RSU1: variants seen among roughly 807,000 people sequenced by gnomAD.
The protein encoded by RSU1 is Ras suppressor protein 1.
A neutral mutation model predicts 31.1 loss-of-function variants in RSU1; 26 were observed. The observed-to-expected ratio is 0.84, with a 90% CI of 0.61 to 1.16. The LOEUF is 1.16. Ranked by LOEUF, RSU1 falls within the 50% of genes most tolerant of loss-of-function variation. The pLI, the probability that RSU1 is intolerant of heterozygous loss-of-function variation, is 0.00. For synonymous variants in RSU1, 164 were observed against 136.3 expected, an observed-to-expected ratio of 1.20 and a Z score of -1.41; for missense variants, 320 against 339.1, an observed-to-expected ratio of 0.94 and a Z score of 0.44.
intron 3 of RSU1, chr10:16,767,441 T>G (rs572919370): frequency 6.6e-6 from 1 of 152,364 alleles, no homozygotes; most frequent in East Asian, 1.9e-4. Context: ...AAATGTGATT[T>G]AGGGCTTTGT....
intron 5 of RSU1, among the ~76,000 whole-genome samples, chr10:16,753,419 CTG>C (rs1291793721): frequency 2.6e-5 from 4 of 152,160 alleles, no homozygotes; most frequent in African/African-American, 9.7e-5. Context: ...GAATACAGCT[CTG>C]TTAAAATAGA....
chr10:16,594,511 C>G (rs1833572560), intron 8 of RSU1, among the ~76,000 whole-genome samples: 1 of 150,778 alleles, frequency 6.6e-6, no homozygotes, highest in African/African-American at 2.4e-5. Context: ...CTCCTGGGCT[C>G]AAGCGATCTC....
At chr10:16,695,978 G>A (rs1835666015) in intron 7 of RSU1, among the ~76,000 whole-genome samples, 2 of 152,130 alleles carry the variant, frequency 1.3e-5, no homozygotes, top group South Asian at 4.1e-4. Context: ...GATATCCTCT[G>A]TTAATGACCA....
rs186091190 is a variant in RSU1 at position 16,714,485 on chromosome 10, C to G, written c.599-19330G>C. Among the ~76,000 whole-genome samples, 7 of 152,290 alleles carry G rather than the reference C, an allele frequency of 4.6e-5. No individual in the cohort carries two copies. In the East Asian group the frequency reaches 7.7e-4, roughly 17 times the overall value. Reference sequence around the variant, plus strand: ...GCTGCCACAGGACCAACAGTTGGACCAGCTATGGATGCACCGCGCTTGGTG... The same window carrying G: ...GCTGCCACAGGACCAACAGTTGGACGAGCTATGGATGCACCGCGCTTGGTG... On this transcript the variant is annotated intron_variant, in intron 7 of 8. Coordinates refer to ENST00000345264, the MANE Select transcript of RSU1 (RefSeq NM_012425.4).
chr10:16,692,952 T>G lies in RSU1; in HGVS notation c.731+2071A>C, dbSNP rs1056022963. Among the ~76,000 whole-genome samples, 6 of 152,152 alleles carry G rather than the reference T, an allele frequency of 3.9e-5. 1 individual carries two copies. In the South Asian group the frequency reaches 1.2e-3, roughly 31 times the overall value. ...TTGGCAATTTTAGTGTATTTCATTTTAAGGCCATTGTTCTTTTTTCTTTTT... is the reference window on the plus strand; with the variant it reads ...TTGGCAATTTTAGTGTATTTCATTTGAAGGCCATTGTTCTTTTTTCTTTTT... On this transcript the variant is annotated intron_variant, in intron 8 of 8. Coordinates refer to ENST00000345264, the MANE Select transcript of RSU1 (RefSeq NM_012425.4).
chr10:16,754,458 G>C (rs1217530629), intron 5 of RSU1, among the ~76,000 whole-genome samples: 1 of 151,588 alleles, frequency 6.6e-6, no homozygotes, highest in Non-Finnish European at 1.5e-5. Flanking sequence ...TGTGTTACTG[G>C]TTTATTAATA....
intron 8 of RSU1, among the ~76,000 whole-genome samples, chr10:16,594,586 A>AAT (rs970755054): frequency 6.8e-6 from 1 of 147,306 alleles, no homozygotes; most frequent in African/African-American, 2.5e-5. Flanking sequence ...AATTAAAAAA[A>AAT]ATATATATAT....
intron 8 of RSU1, among the ~76,000 whole-genome samples, chr10:16,677,402 C>T (rs1221258556): frequency 6.6e-6 from 1 of 152,032 alleles, no homozygotes; most frequent in Non-Finnish European, 1.5e-5. Flanking sequence ...GTAATTGAGG[C>T]AAACTGTATC....
chr10:16,674,421 T>A (rs1348688823), intron 8 of RSU1, among the ~76,000 whole-genome samples: 4 of 146,836 alleles, frequency 2.7e-5, no homozygotes, highest in African/African-American at 1.0e-4. Flanking sequence ...TTTTTTTAAA[T>A]CCTCTAACAG....
At position 16,613,141 on chromosome 10, in the gene RSU1, C is replaced by T. The variant is rs1357883821; in HGVS notation, c.732-19645G>A. 2.0e-5 allele frequency among the ~76,000 whole-genome samples: 3 copies of T among 152,302 alleles called. 1 individual carries two copies. The highest frequency in any genetic ancestry group is 4.1e-4 in the South Asian group (2 of 4,822). On this transcript the variant is annotated intron_variant, in intron 8 of 8. Transcript: ENST00000345264. ...CACTCTGCTTACATTACAGTTATTC[C>T]CCCTCTGGCTGCTTTAAAGGACACT...
chr10:16,641,661 C>G (rs1430655978), intron 8 of RSU1, among the ~76,000 whole-genome samples: 1 of 152,116 alleles, frequency 6.6e-6, no homozygotes, highest in Non-Finnish European at 1.5e-5. Context: ...TTTCCATTGC[C>G]AACAACAGCC....
At chr10:16,684,241 T>C (rs1835395113) in intron 8 of RSU1, among the ~76,000 whole-genome samples, 1 of 152,180 alleles carries the variant, frequency 6.6e-6, no homozygotes, top group Non-Finnish European at 1.5e-5. Flanking sequence ...GGGTAAACGA[T>C]TTTTATTTTC....
intron 7 of RSU1, chr10:16,727,205 A>C (rs943809651): frequency 2.2e-6 from 1 of 451,930 alleles, no homozygotes; most frequent in African/African-American, 2.0e-5. Flanking sequence ...ACCTGGGCGG[A>C]AAGAGTGACG....
chr10:16,648,102 T>C (rs1179854987), intron 8 of RSU1, among the ~76,000 whole-genome samples: 2 of 151,174 alleles, frequency 1.3e-5, no homozygotes, highest in Non-Finnish European at 2.9e-5. Context: ...TCATGAGCCA[T>C]TGTGCCTGGC....
chr10:16,706,794 G>C (rs4523590), intron 7 of RSU1, among the ~76,000 whole-genome samples: 77,098 of 151,824 alleles, frequency 0.51, 19,853 homozygotes, highest in East Asian at 0.78. Context: ...ATTACAGTCA[G>C]TCTACTGTGT....
At chr10:16,642,686 A>G (rs563649978) in intron 8 of RSU1, among the ~76,000 whole-genome samples, 1 of 152,314 alleles carries the variant, frequency 6.6e-6, no homozygotes, top group South Asian at 2.1e-4. Context: ...TGGACCCTGA[A>G]ATCATATATT....
chr10:16,593,563 A>T, intron 8 of RSU1, 67 bp from the exon 9 acceptor site: 1 of 1,218,428 alleles, frequency 8.2e-7, no homozygotes, highest in Non-Finnish European at 1.2e-6. Flanking sequence ...TCACTGGAAG[A>T]GCTTTCAGGA....
At chr10:16,623,990 G>A (rs1423235992) in intron 8 of RSU1, among the ~76,000 whole-genome samples, 1 of 152,068 alleles carries the variant, frequency 6.6e-6, no homozygotes, top group East Asian at 1.9e-4. Context: ...GTCAAAATGA[G>A]TATGAAACCC....
chr10:16,638,610 C>T (rs566927681), intron 8 of RSU1, among the ~76,000 whole-genome samples: 18 of 152,272 alleles, frequency 1.2e-4, no homozygotes, highest in African/African-American at 2.9e-4. Context: ...ACTGTGTTCT[C>T]GGAGATGGTA....
Sources: allele counts gnomAD v4.1 joint callset (sites outside exome capture counted in the v4.1 genomes callset), GRCh38; gene constraint gnomAD v4.1.1; transcripts MANE v1.5; gene names NCBI Gene and HGNC (gene_info 2026-07-23, HGNC 2026-07-21).